Variants in DSCAM observed in about 807,000 individuals in gnomAD.
The protein encoded by DSCAM is cell adhesion molecule DSCAM.
In DSCAM, 47 loss-of-function variants were observed where a neutral mutation model predicts 217.7. That is an observed-to-expected ratio of 0.22 (90% confidence interval 0.17 to 0.28). The LOEUF is 0.28. DSCAM is among the 10% of genes least tolerant of loss of function. The pLI, the probability that DSCAM is intolerant of heterozygous loss-of-function variation, is 1.00. For synonymous variants in DSCAM, 1,056 were observed against 1,015.3 expected, an observed-to-expected ratio of 1.04 and a Z score of -0.76; for missense variants, 2,080 against 2,618.3, an observed-to-expected ratio of 0.79 and a Z score of 4.49.
At chr21:40,643,341 G>A (rs1160391013) in intron 3 of DSCAM, among the ~76,000 whole-genome samples, 1 of 152,172 alleles carries the variant, frequency 6.6e-6, no homozygotes, top group Non-Finnish European at 1.5e-5. Flanking sequence ...TGAGCAACCT[G>A]TTTGAGAACA....
rs117108129 is a variant in DSCAM at position 40,407,712 on chromosome 21, T to C, written c.509-38467A>G. On this transcript the variant is annotated intron_variant, in intron 3 of 32. Coordinates refer to ENST00000400454, the MANE Select transcript of DSCAM (RefSeq NM_001389.5). ...ATTTGGGCTGTCTCAGCTGAGGTTC[T>C]AGACAGGTGGGAGGCCACTTTTGAT... Among the ~76,000 whole-genome samples, 905 of 152,344 alleles carry C rather than the reference T, an allele frequency of 5.9e-3. 10 individuals are homozygous for C. The highest frequency in any genetic ancestry group is 9.5e-3 in the Non-Finnish European group (649 of 68,036).
At chr21:40,709,416 G>A (rs996651265) in intron 1 of DSCAM, among the ~76,000 whole-genome samples, 3 of 152,126 alleles carry the variant, frequency 2.0e-5, no homozygotes, top group African/African-American at 2.4e-5. Flanking sequence ...AGGTATACAC[G>A]TGCCGTGGTG....
chr21:40,034,202 G>A (rs757952180), intron 32 of DSCAM, among the ~76,000 whole-genome samples: 7 of 356 alleles, frequency 0.02, no homozygotes, highest in Non-Finnish European at 0.041. Context: ...GGCTTCAGAC[G>A]ATCAAATTAC....
chr21:40,561,421 T>C (rs2076719766), intron 3 of DSCAM, among the ~76,000 whole-genome samples: 1 of 152,220 alleles, frequency 6.6e-6, no homozygotes, highest in Admixed American at 6.5e-5. Context: ...CGGCAGAAAG[T>C]TCTTAGGAAT....
intron 20 of DSCAM, among the ~76,000 whole-genome samples, chr21:40,122,353 TA>T (rs1430744482): frequency 6.6e-6 from 1 of 152,170 alleles, no homozygotes; most frequent in Non-Finnish European, 1.5e-5. Context: ...GGTCTTTCTA[TA>T]CCCTGCTAGG....
intron 1 of DSCAM, among the ~76,000 whole-genome samples, chr21:40,746,689 T>C (rs932092105): frequency 2.6e-5 from 4 of 151,776 alleles, no homozygotes; most frequent in African/African-American, 9.7e-5. Flanking sequence ...CAAAGAGACG[T>C]TGGATTTAAA....
intron 3 of DSCAM, among the ~76,000 whole-genome samples, chr21:40,521,761 G>C (rs1458704056): frequency 6.6e-6 from 1 of 152,096 alleles, no homozygotes; most frequent in Admixed American, 6.6e-5. Context: ...TTAACGATGA[G>C]AAAGGAGAAG....
At chr21:40,173,293 T>A (rs941700197) in intron 15 of DSCAM, among the ~76,000 whole-genome samples, 26 of 152,174 alleles carry the variant, frequency 1.7e-4, no homozygotes, top group African/African-American at 6.3e-4. Context: ...TGGCCAGGAT[T>A]GGATTCTTGG....
chr21:40,826,862 G>A (rs2091973056), intron 1 of DSCAM, among the ~76,000 whole-genome samples: 2 of 152,188 alleles, frequency 1.3e-5, no homozygotes, highest in Non-Finnish European at 2.9e-5. Context: ...TGGATTTCAG[G>A]ATCTGGATTT....
intron 1 of DSCAM, among the ~76,000 whole-genome samples, chr21:40,810,955 T>C (rs9978483): frequency 0.12 from 18,261 of 152,180 alleles, 1,315 homozygotes; most frequent in East Asian, 0.23. Flanking sequence ...GGGGTCATTG[T>C]ATGTTTGCAA....
At chr21:40,601,641 T>C (rs968999403) in intron 3 of DSCAM, among the ~76,000 whole-genome samples, 6 of 152,220 alleles carry the variant, frequency 3.9e-5, no homozygotes, top group Non-Finnish European at 7.3e-5. Context: ...ATGTCTGTTA[T>C]AGGTTTTATG....
At chr21:40,513,631 C>T (rs1166968806) in intron 3 of DSCAM, among the ~76,000 whole-genome samples, 4 of 152,112 alleles carry the variant, frequency 2.6e-5, no homozygotes. Flanking sequence ...AGAAAAAGAA[C>T]TCGCTCATTA....
intron 3 of DSCAM, among the ~76,000 whole-genome samples, chr21:40,405,281 C>T (rs886198775): frequency 6.6e-6 from 1 of 152,292 alleles, no homozygotes; most frequent in Non-Finnish European, 1.5e-5. Context: ...ACCATATTAT[C>T]CCTCTGAGAC....
intron 29 of DSCAM, among the ~76,000 whole-genome samples, chr21:40,054,241 C>G (rs2088978212): frequency 6.6e-6 from 1 of 152,154 alleles, no homozygotes; most frequent in Admixed American, 6.5e-5. Flanking sequence ...CTAATAAAAT[C>G]TTGTGTACTT....
intron 3 of DSCAM, among the ~76,000 whole-genome samples, chr21:40,679,867 A>G (rs1053017898): frequency 6.6e-6 from 1 of 152,204 alleles, no homozygotes; most frequent in African/African-American, 2.4e-5. Flanking sequence ...CATACCTTGC[A>G]TTTTAGCAAT....
chr21:40,563,071 G>C (rs1327912622), intron 3 of DSCAM, among the ~76,000 whole-genome samples: 2 of 152,004 alleles, frequency 1.3e-5, no homozygotes, highest in Admixed American at 6.6e-5. Flanking sequence ...CCTAAGAAAA[G>C]CTTACACAGA....
At chr21:40,237,125 T>C (rs898243663) in intron 11 of DSCAM, among the ~76,000 whole-genome samples, 9 of 152,224 alleles carry the variant, frequency 5.9e-5, no homozygotes, top group East Asian at 1.9e-4. Flanking sequence ...CTTGAAATAA[T>C]GCACATTTAT....
chr21:40,822,448 T>TA (rs199828276), intron 1 of DSCAM, among the ~76,000 whole-genome samples: 40 of 148,692 alleles, frequency 2.7e-4, no homozygotes, highest in East Asian at 9.8e-4. Context: ...TGTTTTTTTT[T>TA]AAAAAAAAAG....
At position 40,085,710 on chromosome 21, in the gene DSCAM, C is replaced by T. The variant is rs750920174; in HGVS notation, c.4024G>A (p.Gly1342Arg). ...TTCACCGTGCGAATAATGAAGCTTC[C>T]GTTGCTAAAGATGCTCCTCCGCCCA... ...IDGRRSIFSN[G>R]SFIIRTVKAE... The change falls in exon 23 of 33, where the codon GGA becomes AGA. Residue 1342 changes from glycine to arginine, a missense_variant. By Grantham distance (125) the Gly-to-Arg change is moderately radical. Around this residue, in one of 5 missense-constraint regions of DSCAM, gnomAD observed 1,144 missense variants for 1,421.1 expected, o/e 0.81. Transcript: ENST00000400454. The T allele has an allele frequency of 1.0e-5, 16 of 1,585,786 alleles. No individual in the cohort carries two copies. Among genetic ancestry groups the T allele is most frequent in the African/African-American group, 5.4e-5 (4 of 74,604 alleles).
Sources: allele counts gnomAD v4.1 joint callset (sites outside exome capture counted in the v4.1 genomes callset), GRCh38; gene constraint gnomAD v4.1.1; regional missense constraint gnomAD v4.1.1; transcripts MANE v1.5; gene names NCBI Gene and HGNC (gene_info 2026-07-23, HGNC 2026-07-21).